BAZ2B: variants seen among roughly 807,000 people sequenced by gnomAD.
The protein encoded by BAZ2B is bromodomain adjacent to zinc finger domain protein 2B.
BAZ2B carries 91 observed loss-of-function variants against 246.0 expected under a neutral mutation model. The ratio of observed to expected loss-of-function variants is 0.37; its 90% confidence interval spans 0.31 to 0.44. The LOEUF (loss-of-function observed/expected upper bound fraction) is 0.44, where lower values mean the gene tolerates loss of function less well. BAZ2B is among the 20% of genes least tolerant of loss of function. The pLI, the probability that BAZ2B is intolerant of heterozygous loss-of-function variation, is 1.00. For synonymous variants in BAZ2B, 855 were observed against 860.0 expected, an observed-to-expected ratio of 0.99 and a Z score of 0.10; for missense variants, 2,332 against 2,533.7, an observed-to-expected ratio of 0.92 and a Z score of 1.71.
At chr2:159,324,719 TGTTA>T (rs1483891580) in intron 36 of BAZ2B, 88 bp downstream of exon 36, 2 of 819,660 alleles carry the variant, frequency 2.4e-6, no homozygotes, top group African/African-American at 1.8e-5. Context: ...TATATCTTGC[TGTTA>T]ATTAAAATAT....
In BAZ2B at chr2:159,384,670, A is replaced by G. The variant is rs550956568; in HGVS notation, c.3686+485T>C. Among the ~76,000 whole-genome samples, 610 of 152,216 alleles carry G rather than the reference A, an allele frequency of 4.0e-3. 2 individuals carry two copies. Among genetic ancestry groups the G allele is most frequent in the Middle Eastern group, 6.8e-3 (2 of 294 alleles). On this transcript the variant is annotated intron_variant, in intron 23 of 36. Transcript: ENST00000392783. ...TAAATAGGATCAAATGCTTTAAAAA[A>G]GTATAAATTAATACACTGATAAATA...
chr2:159,320,168 T>G lies in BAZ2B; in HGVS notation c.*97A>C. Reference sequence around the variant, plus strand: ...TATACTTAAGGAAAAAGAAAGTCATTATGTATGTGCCTTGCACGTTTATGT... The same window carrying G: ...TATACTTAAGGAAAAAGAAAGTCATGATGTATGTGCCTTGCACGTTTATGT... On this transcript the variant is annotated 3_prime_UTR_variant, in exon 37 of 37. Transcript: ENST00000392783. 1 of 1,073,540 alleles carries G rather than the reference T, an allele frequency of 9.3e-7. No individual in the cohort carries two copies. Among genetic ancestry groups the G allele is most frequent in the Non-Finnish European group, 1.2e-6 (1 of 808,534 alleles). 66.5% of individuals were successfully genotyped at this position (1,073,540 alleles called of 1,614,324 possible).
intron 7 of BAZ2B, 140 bp from the exon 8 acceptor site, chr2:159,438,835 TA>T: frequency 8.0e-7 from 1 of 1,253,212 alleles, no homozygotes. Context: ...TAAAAATTCG[TA>T]AAAGAAATAC....
chr2:159,471,634 T>A (rs1393388587), intron 3 of BAZ2B, among the ~76,000 whole-genome samples: 1 of 152,230 alleles, frequency 6.6e-6, no homozygotes, highest in East Asian at 1.9e-4. Context: ...CTGCTTTTTT[T>A]AGGATGGGTG....
chr2:159,526,935 T>C (rs2084809809), intron 2 of BAZ2B, among the ~76,000 whole-genome samples: 1 of 151,900 alleles, frequency 6.6e-6, no homozygotes, highest in African/African-American at 2.4e-5. Context: ...GCTTATATAG[T>C]AAGTGTGTGT....
chr2:159,559,276 A>G (rs77121640), intron 1 of BAZ2B, among the ~76,000 whole-genome samples: 4,438 of 152,134 alleles, frequency 0.029, 347 homozygotes, highest in Admixed American at 0.18. Context: ...GAGATAAAAC[A>G]CATTACTCTC....
At chr2:159,381,635 G>T (rs1314531043) in intron 25 of BAZ2B, among the ~76,000 whole-genome samples, 1 of 152,076 alleles carries the variant, frequency 6.6e-6, no homozygotes. Flanking sequence ...CTGCACTTCT[G>T]ATGTTGCCCC....
chr2:159,560,816 C>T (rs771227763), intron 1 of BAZ2B, among the ~76,000 whole-genome samples: 10 of 151,998 alleles, frequency 6.6e-5, no homozygotes, highest in Non-Finnish European at 1.0e-4. Context: ...CATGAGCCAC[C>T]GCACCCGGCT....
the BAZ2B span, among the ~76,000 whole-genome samples, chr2:159,656,663 T>C: frequency 6.6e-6 from 1 of 152,318 alleles, no homozygotes; most frequent in East Asian, 1.9e-4. Context: ...TTTCATTTCT[T>C]AATAGGTCAT....
At chr2:159,379,394 A>T (rs1002688441) in intron 25 of BAZ2B, among the ~76,000 whole-genome samples, 1 of 152,156 alleles carries the variant, frequency 6.6e-6, no homozygotes, top group Non-Finnish European at 1.5e-5. Flanking sequence ...TGCAAGATGA[A>T]TAAGTTCTAG....
At chr2:159,321,837 C>T (rs998159676) in intron 36 of BAZ2B, 2 of 152,038 alleles carry the variant, frequency 1.3e-5, no homozygotes, top group Admixed American at 6.6e-5. Flanking sequence ...TGTGACAGCA[C>T]AACAAGGAGA....
chr2:159,492,379 G>A (rs1412116402), intron 2 of BAZ2B, among the ~76,000 whole-genome samples: 1 of 152,186 alleles, frequency 6.6e-6, no homozygotes, highest in African/African-American at 2.4e-5. Flanking sequence ...AGAAGTCAAA[G>A]TTCTAAATCC....
At chr2:159,443,023 C>T (rs2073703037) in intron 6 of BAZ2B, among the ~76,000 whole-genome samples, 1 of 152,122 alleles carries the variant, frequency 6.6e-6, no homozygotes, top group Non-Finnish European at 1.5e-5. Flanking sequence ...TGAGACACTG[C>T]TTTCAATTTT....
At chr2:159,408,168 A>G (rs1177738113) in intron 14 of BAZ2B, among the ~76,000 whole-genome samples, 1 of 152,234 alleles carries the variant, frequency 6.6e-6, no homozygotes, top group African/African-American at 2.4e-5. Context: ...GCCCTACACA[A>G]GTACACAGTA....
intron 27 of BAZ2B, among the ~76,000 whole-genome samples, chr2:159,356,744 T>G (rs1396590426): frequency 6.6e-6 from 1 of 152,070 alleles, no homozygotes; most frequent in African/African-American, 2.4e-5. Context: ...TGGCATCTGG[T>G]GGGTGCCCCT....
chr2:159,415,004 A>AGGG (rs1236748150), intron 13 of BAZ2B, among the ~76,000 whole-genome samples: 1 of 152,132 alleles, frequency 6.6e-6, no homozygotes, highest in Non-Finnish European at 1.5e-5. Context: ...GAAGTAGATG[A>AGGG]GGGTATATGT....
intron 3 of BAZ2B, among the ~76,000 whole-genome samples, chr2:159,455,870 T>C (rs2150512505): frequency 6.6e-6 from 1 of 151,536 alleles, no homozygotes. Flanking sequence ...TCATTTGTTA[T>C]TACATATAAA....
Position 159,427,992 on chromosome 2 carries a change from G to A in BAZ2B, c.2415C>T (p.Phe805=). 1 of 1,613,444 alleles carries A rather than the reference G, an allele frequency of 6.2e-7. No homozygotes were observed. The highest frequency in any genetic ancestry group is 8.5e-7 in the Non-Finnish European group (1 of 1,179,542). ...IMDISRDNFS[F]SAKIRVGDFY... Reference sequence around the variant, plus strand: ...AGTCACCCACTCTTATTTTTGCACTGAAGCTGAAATTGTCCCTTGAGATAT... The same window carrying A: ...AGTCACCCACTCTTATTTTTGCACTAAAGCTGAAATTGTCCCTTGAGATAT... Residue 805 remains phenylalanine, a synonymous_variant, in exon 13 of 37, where the codon TTC becomes TTT. Coordinates refer to ENST00000392783, the MANE Select transcript of BAZ2B (RefSeq NM_013450.4).
chr2:159,664,722 T>TGCTTAAGCTGATAAGCAAC, the BAZ2B span, among the ~76,000 whole-genome samples: 1 of 92,342 alleles, frequency 1.1e-5, no homozygotes, highest in African/African-American at 4.7e-5. Context: ...TTTGATGGGG[T>TGCTTAAGCTGATAAGCAAC]TGTTTGTTTT....
Sources: allele counts gnomAD v4.1 joint callset (sites outside exome capture counted in the v4.1 genomes callset), GRCh38; gene constraint gnomAD v4.1.1; transcripts MANE v1.5; gene names NCBI Gene and HGNC (gene_info 2026-07-23, HGNC 2026-07-21).